The following CAMKMT variants were observed in gnomAD, a reference collection of about 807,000 sequenced individuals.
CAMKMT encodes the protein calmodulin-lysine N-methyltransferase, also known as CaM KMT.
CAMKMT carries 53 observed loss-of-function variants against 48.0 expected under a neutral mutation model. That is an observed-to-expected ratio of 1.10 (90% CI 0.89 to 1.39). The LOEUF (loss-of-function observed/expected upper bound fraction) is 1.39. Among genes scored for constraint, CAMKMT ranks in the 40% most tolerant of loss-of-function variants. CAMKMT has a pLI of 0.00. For synonymous variants in CAMKMT, 165 were observed against 152.3 expected (o/e 1.08, Z -0.61); for missense variants, 428 against 402.7 (o/e 1.06, Z -0.54).
intron 3 of CAMKMT, among the ~76,000 whole-genome samples, chr2:44,588,303 A>T (rs868093442): frequency 2.4e-4 from 10 of 41,550 alleles, no homozygotes; most frequent in South Asian, 9.2e-4. Context: ...TCCGGGAGGG[A>T]GGGGGGGGGT....
intron 7 of CAMKMT, 88 bp downstream of exon 7, chr2:44,715,441 AT>A: frequency 2.1e-6 from 2 of 941,076 alleles, no homozygotes; most frequent in Non-Finnish European, 3.4e-6. Flanking sequence ...AATAGCTAAC[AT>A]TTATTGAGCA....
chr2:44,593,983 G>A (rs550875844), intron 3 of CAMKMT, among the ~76,000 whole-genome samples: 15 of 151,972 alleles, frequency 9.9e-5, no homozygotes, highest in South Asian at 2.1e-4. Context: ...GGCTGGTCTC[G>A]AACTCCCCAC....
chr2:44,712,441 A>G (rs1677934434), intron 6 of CAMKMT, among the ~76,000 whole-genome samples: 1 of 152,106 alleles, frequency 6.6e-6, no homozygotes, highest in East Asian at 1.9e-4. Context: ...CATGTATATA[A>G]TTTGTTTAAA....
intron 7 of CAMKMT, among the ~76,000 whole-genome samples, chr2:44,725,411 G>T (rs192658329): frequency 1.3e-5 from 2 of 152,204 alleles, no homozygotes; most frequent in East Asian, 1.9e-4. Context: ...TTAAGGTGAG[G>T]TTTCTGCCTT....
rs184402737 is a variant in CAMKMT, at chr2:44,510,750, A to G, written c.376+120445A>G. Among the ~76,000 whole-genome samples, 316 of 152,172 alleles carry G rather than the reference A, an allele frequency of 2.1e-3. 8 individuals carry two copies. Among genetic ancestry groups the G allele is most frequent in the Non-Finnish European group, 4.7e-4 (32 of 68,014 alleles). On this transcript the variant is annotated intron_variant, in intron 3 of 10. Transcript: ENST00000378494. ...TGATTTCTGAGATTTTAGTGCACCC[A>G]TCACCTGAACGGTATACACTGTACC...
chr2:44,593,129 G>A (rs1304373044), intron 3 of CAMKMT, among the ~76,000 whole-genome samples: 2 of 152,124 alleles, frequency 1.3e-5, no homozygotes, highest in East Asian at 3.8e-4. Context: ...TGTTAGGTGG[G>A]ACCAGCAATA....
At chr2:44,387,438 T>C (rs540500918) in intron 2 of CAMKMT, among the ~76,000 whole-genome samples, 1 of 152,110 alleles carries the variant, frequency 6.6e-6, no homozygotes, top group South Asian at 2.1e-4. Context: ...AGGCAGCAGA[T>C]AGTTGGTTGG....
At chr2:44,567,301 C>T (rs1268661555) in intron 3 of CAMKMT, among the ~76,000 whole-genome samples, 1 of 152,136 alleles carries the variant, frequency 6.6e-6, no homozygotes, top group Non-Finnish European at 1.5e-5. Flanking sequence ...ACCCGACCAT[C>T]AGTCAGTGGC....
In CAMKMT at chr2:44,475,316, GA is replaced by G. The variant is rs901994512; in HGVS notation, c.376+85014del. 1.2e-4 allele frequency among the ~76,000 whole-genome samples: 12 copies of G among 98,488 alleles called. No homozygotes were observed. The Admixed American group carries it at 1.3e-3, about 11-fold the overall frequency. 64.6% of individuals were successfully genotyped at this position (98,488 alleles called of 152,430 possible). A position where few individuals can be genotyped will look rare whatever the true frequency, so the allele number is the denominator to read the frequency against. Reference sequence around the variant, plus strand: ...TTTTTAAATAGTAAGAATATAGGTTGAAATTTTTTTTTTTTTTTTGAGATGG... The same window carrying G: ...TTTTTAAATAGTAAGAATATAGGTTGAATTTTTTTTTTTTTTTTGAGATGG... On this transcript the variant is annotated intron_variant, in intron 3 of 10. Transcript: ENST00000378494.
intron 3 of CAMKMT, among the ~76,000 whole-genome samples, chr2:44,453,104 C>T (rs762567057): frequency 5.3e-5 from 8 of 151,984 alleles, no homozygotes; most frequent in Non-Finnish European, 1.0e-4. Context: ...GACGACAATG[C>T]TTGCTCACAT....
At chr2:44,469,326 G>T in intron 3 of CAMKMT, among the ~76,000 whole-genome samples, 1 of 148,052 alleles carries the variant, frequency 6.8e-6, no homozygotes, top group African/African-American at 2.5e-5. Flanking sequence ...TAATCTATTT[G>T]GCTGTTGAAT....
At chr2:44,560,485 A>G (rs1168320068) in intron 3 of CAMKMT, among the ~76,000 whole-genome samples, 1 of 152,044 alleles carries the variant, frequency 6.6e-6, no homozygotes, top group East Asian at 1.9e-4. Context: ...TTGCCCAGGC[A>G]GGTCTCGAAC....
chr2:44,765,877 C>T (rs925118306), intron 9 of CAMKMT, among the ~76,000 whole-genome samples: 9 of 152,178 alleles, frequency 5.9e-5, no homozygotes, highest in Non-Finnish European at 1.2e-4. Flanking sequence ...TATCTGACAG[C>T]GTGGTCACAG....
chr2:44,362,034 G>A lies in CAMKMT; in HGVS notation c.27G>A (p.Gly9=), dbSNP rs781343406. Residue 9 remains glycine, a synonymous_variant, in exon 1 of 11, where the codon GGG becomes GGA. Transcript: ENST00000378494. MESRVADA[G]TGETARAAGG... ...TGGAGTCGCGAGTCGCGGACGCTGGGACCGGCGAGACCGCGCGAGCAGCGG... is the reference window on the plus strand; with the variant it reads ...TGGAGTCGCGAGTCGCGGACGCTGGAACCGGCGAGACCGCGCGAGCAGCGG... 2.5e-5 allele frequency: 36 copies of A among 1,423,030 alleles called. No homozygotes were observed. Among genetic ancestry groups the A allele is most frequent in the Non-Finnish European group, 3.2e-5 (35 of 1,094,252 alleles). The allele number at this position is 1,423,030 out of a possible 1,614,324, so 88.2% of individuals were successfully genotyped here.
chr2:44,485,359 G>A (rs1336645277), intron 3 of CAMKMT, among the ~76,000 whole-genome samples: 1 of 152,130 alleles, frequency 6.6e-6, no homozygotes, highest in Non-Finnish European at 1.5e-5. Flanking sequence ...TATTTTTAAA[G>A]CAAAGAAAAT....
chr2:44,702,499 A>T (rs1677310578), intron 3 of CAMKMT, among the ~76,000 whole-genome samples: 1 of 152,176 alleles, frequency 6.6e-6, no homozygotes, highest in African/African-American at 2.4e-5. Flanking sequence ...CAGTCCTGTG[A>T]GGTTGACAAT....
intron 8 of CAMKMT, among the ~76,000 whole-genome samples, chr2:44,753,321 G>A (rs1273192165): frequency 1.3e-5 from 2 of 151,002 alleles, no homozygotes; most frequent in Non-Finnish European, 3.0e-5. Context: ...CAGCTACTTG[G>A]GAGGCTGGGG....
intron 1 of CAMKMT, among the ~76,000 whole-genome samples, chr2:44,370,523 T>G (rs1157142739): frequency 6.6e-6 from 1 of 152,188 alleles, no homozygotes; most frequent in Admixed American, 6.5e-5. Flanking sequence ...CTGTATCACA[T>G]TGATAGTTCT....
At chr2:44,550,417 A>G (rs1411304969) in intron 3 of CAMKMT, among the ~76,000 whole-genome samples, 1 of 152,036 alleles carries the variant, frequency 6.6e-6, no homozygotes, top group Non-Finnish European at 1.5e-5. Context: ...AAGAAAGAAA[A>G]AAGACTGACA....
Sources: allele counts gnomAD v4.1 joint callset (sites outside exome capture counted in the v4.1 genomes callset), GRCh38; gene constraint gnomAD v4.1.1; transcripts MANE v1.5; gene names NCBI Gene and HGNC (gene_info 2026-07-23, HGNC 2026-07-21).